Variants in SRPK2 observed in about 807,000 individuals in gnomAD.
SRPK2 encodes SRSF protein kinase 2, also known as SFRS protein kinase 2.
A neutral mutation model predicts 90.8 loss-of-function variants in SRPK2; 21 were observed. That is an observed-to-expected ratio of 0.23 (90% CI 0.16 to 0.33). SRPK2 has a LOEUF of 0.33. SRPK2 is among the 10% of genes least tolerant of loss of function. The probability of loss-of-function intolerance (pLI) is 1.00; values close to 1 mark genes in which losing one functional copy is unlikely to be tolerated. For synonymous variants in SRPK2, 288 were observed against 311.1 expected (o/e 0.93, Z 0.78); for missense variants, 620 against 869.0 (o/e 0.71, Z 3.60).
At chr7:105,321,543 G>A (rs1812939086) in intron 2 of SRPK2, among the ~76,000 whole-genome samples, 1 of 151,924 alleles carries the variant, frequency 6.6e-6, no homozygotes, top group African/African-American at 2.4e-5. Context: ...ACAACCTGCA[G>A]AATGGAAGAA....
chr7:105,221,104 C>A (rs1798040615), intron 2 of SRPK2, among the ~76,000 whole-genome samples: 1 of 152,142 alleles, frequency 6.6e-6, no homozygotes, highest in Non-Finnish European at 1.5e-5. Context: ...ACAAAAATCT[C>A]TAAAACATAT....
intron 2 of SRPK2, among the ~76,000 whole-genome samples, chr7:105,230,838 A>G (rs970608850): frequency 4.6e-5 from 7 of 152,038 alleles, no homozygotes; most frequent in Admixed American, 2.0e-4. Context: ...TTTTCAGTTA[A>G]AAAAAAGTAT....
intron 2 of SRPK2, among the ~76,000 whole-genome samples, chr7:105,324,661 TG>T (rs1222227520): frequency 1.3e-5 from 2 of 152,000 alleles, no homozygotes; most frequent in East Asian, 3.9e-4. Flanking sequence ...CCGAGGCGGG[TG>T]GATCACTTGA....
At chr7:105,146,704 A>C in intron 7 of SRPK2, 46 bp from the exon 8 acceptor site, 696 of 1,550,112 alleles carry the variant, frequency 4.5e-4, no homozygotes, top group Non-Finnish European at 5.7e-4. Context: ...TTAATATCTC[A>C]TTATATAACT....
intron 2 of SRPK2, among the ~76,000 whole-genome samples, chr7:105,252,778 T>C (rs1175590126): frequency 6.6e-6 from 1 of 151,612 alleles, no homozygotes; most frequent in Non-Finnish European, 1.5e-5. Context: ...AGTCTCCCTC[T>C]GTTGCCCAGG....
intron 2 of SRPK2, among the ~76,000 whole-genome samples, chr7:105,383,391 A>C (rs1487361597): frequency 6.7e-6 from 1 of 149,382 alleles, no homozygotes; most frequent in Non-Finnish European, 1.5e-5. Flanking sequence ...TTTAATAAAA[A>C]TTTTACAAGA....
rs558889034 is a variant in SRPK2 at position 105,194,261 on chromosome 7, T to C, written c.229+9367A>G. On this transcript the variant is annotated intron_variant, in intron 3 of 15. Transcript: ENST00000393651. ...ATGATCCATCTCAACCTGATAAAGG[T>C]ATCTAAAAAAAAACTACATATTCAC... is the stretch of plus-strand genomic sequence containing the variant. Among the ~76,000 whole-genome samples the C allele has an allele frequency of 9.2e-5, 14 of 152,166 alleles. No homozygotes were observed. In the South Asian group the frequency reaches 2.9e-3, roughly 32 times the overall value.
intron 2 of SRPK2, among the ~76,000 whole-genome samples, chr7:105,383,685 T>C (rs1821218307): frequency 6.6e-6 from 1 of 152,170 alleles, no homozygotes; most frequent in Non-Finnish European, 1.5e-5. Flanking sequence ...CCCAAAGTGC[T>C]GGGATTACAG....
chr7:105,248,976 T>A (rs917956459), intron 2 of SRPK2, among the ~76,000 whole-genome samples: 1 of 149,692 alleles, frequency 6.7e-6, no homozygotes, highest in Non-Finnish European at 1.5e-5. Context: ...TAGGAGAGGG[T>A]GGAAAATAAC....
intron 2 of SRPK2, among the ~76,000 whole-genome samples, chr7:105,259,408 T>C (rs1803860632): frequency 6.6e-6 from 1 of 152,114 alleles, no homozygotes; most frequent in East Asian, 1.9e-4. Flanking sequence ...GAAAAAACAT[T>C]CCATATTCAT....
intron 11 of SRPK2, among the ~76,000 whole-genome samples, chr7:105,137,658 T>TA (rs1803067558): frequency 6.6e-6 from 1 of 152,200 alleles, no homozygotes; most frequent in South Asian, 2.1e-4. Context: ...GCTGATCATC[T>TA]AAGAGGGACC....
intron 1 of SRPK2, among the ~76,000 whole-genome samples, chr7:105,395,000 C>G (rs1265788468): frequency 6.6e-6 from 1 of 152,110 alleles, no homozygotes; most frequent in African/African-American, 2.4e-5. Flanking sequence ...AGGTGAAACC[C>G]CATCTCTACT....
At chr7:105,126,063 C>T (rs1475587610) in intron 15 of SRPK2, among the ~76,000 whole-genome samples, 185 bp downstream of exon 15, 1 of 152,168 alleles carries the variant, frequency 6.6e-6, no homozygotes, top group Non-Finnish European at 1.5e-5. Context: ...GGCTGGTGAA[C>T]AGGGTGACCG....
chr7:105,386,804 G>A (rs912649895), intron 2 of SRPK2, among the ~76,000 whole-genome samples: 3 of 152,192 alleles, frequency 2.0e-5, no homozygotes, highest in Admixed American at 1.3e-4. Flanking sequence ...AATTGGGCTG[G>A]TCCCGTTACC....
In SRPK2 at chr7:105,204,601, T is replaced by G. The variant is rs925849385; in HGVS notation, c.72-816A>C. ...TACCACTGAATGCGTGCGCTGAAGA[T>G]GACGGCTGCTGTGGAAAGGTTGCTC... On this transcript the variant is annotated intron_variant, in intron 2 of 15. Transcript: ENST00000393651. The G allele has an allele frequency of 3.3e-5, 19 of 567,488 alleles. No individual in the cohort carries two copies. In the African/African-American group the frequency reaches 3.4e-4, roughly 10 times the overall value. 35.2% of individuals were successfully genotyped at this position (567,488 alleles called of 1,614,324 possible).
intron 2 of SRPK2, among the ~76,000 whole-genome samples, chr7:105,386,040 C>G (rs1383100447): frequency 2.0e-5 from 3 of 152,170 alleles, no homozygotes; most frequent in Admixed American, 2.0e-4. Context: ...ACCGGCCGGG[C>G]TTGGTGGCTC....
Position 105,348,150 on chromosome 7 carries a change from C to T in SRPK2, c.71+40498G>A, listed in dbSNP as rs529225780. Among the ~76,000 whole-genome samples the T allele has an allele frequency of 3.2e-3, 434 of 137,418 alleles. 1 individual carries two copies. Among genetic ancestry groups the T allele is most frequent in the African/African-American group, 0.011 (401 of 37,078 alleles). 90.2% of individuals were successfully genotyped at this position (137,418 alleles called of 152,430 possible). A position where few individuals can be genotyped will look rare whatever the true frequency, so the allele number is the denominator to read the frequency against. On this transcript the variant is annotated intron_variant, in intron 2 of 15. Coordinates refer to ENST00000393651, the MANE Select transcript of SRPK2 (RefSeq NM_182692.3). ...GGAGTGCAATGGCGCGATCTCACTGCAACCTCCGCCTCCCGGGTTCAAGCG... is the reference window on the plus strand; with the variant it reads ...GGAGTGCAATGGCGCGATCTCACTGTAACCTCCGCCTCCCGGGTTCAAGCG...
intron 2 of SRPK2, among the ~76,000 whole-genome samples, chr7:105,372,948 G>A (rs1485948907): frequency 6.6e-6 from 1 of 152,110 alleles, no homozygotes; most frequent in Non-Finnish European, 1.5e-5. Context: ...AATTAGCTGG[G>A]CATGGTGTCA....
intron 2 of SRPK2, among the ~76,000 whole-genome samples, chr7:105,357,751 C>CAA (rs199545498): frequency 6.9e-6 from 1 of 145,620 alleles, no homozygotes; most frequent in Admixed American, 7.0e-5. Context: ...TCTCAAAAAA[C>CAA]AAAAAAAACA....
Sources: allele counts gnomAD v4.1 joint callset (sites outside exome capture counted in the v4.1 genomes callset), GRCh38; gene constraint gnomAD v4.1.1; transcripts MANE v1.5; gene names NCBI Gene and HGNC (gene_info 2026-07-23, HGNC 2026-07-21).